IDE: variants seen among roughly 807,000 people sequenced by gnomAD.
IDE encodes insulin-degrading enzyme.
A neutral mutation model predicts 133.2 loss-of-function variants in IDE; 58 were observed. That is an observed-to-expected ratio of 0.44 (90% CI 0.35 to 0.54). IDE has a LOEUF of 0.54. Ranked by LOEUF, IDE falls within the 20% of genes least tolerant of loss-of-function variation. The pLI, the probability that IDE is intolerant of heterozygous loss-of-function variation, is 0.00. For missense variants in IDE, 981 were observed against 1,234.0 expected (o/e 0.79, Z 3.07); for synonymous variants, 396 against 421.3 (o/e 0.94, Z 0.73).
intron 1 of IDE, among the ~76,000 whole-genome samples, chr10:92,557,066 C>T (rs12415874): frequency 1.3e-5 from 2 of 152,068 alleles, no homozygotes; most frequent in African/African-American, 4.8e-5. Flanking sequence ...AAAATCCCAC[C>T]TAAGCCTCCT....
At chr10:92,510,857 T>G (rs890461875) in intron 5 of IDE, among the ~76,000 whole-genome samples, 16 of 150,204 alleles carry the variant, frequency 1.1e-4, no homozygotes, top group South Asian at 2.1e-4. Flanking sequence ...ATGATATATA[T>G]CACATATATA....
chr10:92,516,798 C>T (rs1368697260), intron 4 of IDE, among the ~76,000 whole-genome samples: 1 of 152,168 alleles, frequency 6.6e-6, no homozygotes, highest in Non-Finnish European at 1.5e-5. Context: ...ATTTTTATAA[C>T]TCTCCAGCGA....
intron 4 of IDE, among the ~76,000 whole-genome samples, chr10:92,515,550 C>T (rs1183826381): frequency 9.1e-5 from 13 of 142,902 alleles, no homozygotes; most frequent in East Asian, 4.5e-4. Flanking sequence ...TGAGCAACCG[C>T]GCACCCGGCC....
At chr10:92,486,461 A>C (rs1252466728) in intron 13 of IDE, among the ~76,000 whole-genome samples, 1 of 152,202 alleles carries the variant, frequency 6.6e-6, no homozygotes, top group Non-Finnish European at 1.5e-5. Flanking sequence ...AACTCATCTA[A>C]ATTCTTCCAA....
At chr10:92,546,432 G>A (rs1842536673) in intron 1 of IDE, among the ~76,000 whole-genome samples, 1 of 152,186 alleles carries the variant, frequency 6.6e-6, no homozygotes, top group African/African-American at 2.4e-5. Flanking sequence ...GGAAGGGGGA[G>A]ATACATGAAT....
At chr10:92,491,207 T>C (rs931595711) in intron 11 of IDE, among the ~76,000 whole-genome samples, 2 of 150,632 alleles carry the variant, frequency 1.3e-5, no homozygotes, top group Non-Finnish European at 3.0e-5. Context: ...CACTGCACTC[T>C]AGCATGGGTG....
chr10:92,489,577 C>T (rs949785050), intron 12 of IDE, among the ~76,000 whole-genome samples: 1 of 152,016 alleles, frequency 6.6e-6, no homozygotes, highest in Non-Finnish European at 1.5e-5. Flanking sequence ...TGGTCAGAGT[C>T]CAGTGAACAG....
chr10:92,557,586 C>A (rs930122159), intron 1 of IDE, among the ~76,000 whole-genome samples: 1 of 151,080 alleles, frequency 6.6e-6, no homozygotes, highest in African/African-American at 2.4e-5. Flanking sequence ...TAAACCCTCA[C>A]CTTTTGATCA....
At chr10:92,485,125 C>CTTTTTTT (rs34615998) in intron 13 of IDE, among the ~76,000 whole-genome samples, 62 of 100,802 alleles carry the variant, frequency 6.2e-4, no homozygotes, top group East Asian at 9.1e-4. Flanking sequence ...TTCTTTCTTT[C>CTTTTTTT]TTTTTTTTTT....
chr10:92,509,986 G>A, intron 6 of IDE, 64 bp downstream of exon 6: 1 of 715,556 alleles, frequency 1.4e-6, no homozygotes, highest in South Asian at 1.9e-5. Context: ...CTGTTCTATG[G>A]TAAACTAGGT....
chr10:92,526,832 TG>T (rs1257421012), intron 4 of IDE, among the ~76,000 whole-genome samples: 1 of 108,746 alleles, frequency 9.2e-6, no homozygotes, highest in Non-Finnish European at 1.8e-5. Context: ...GGCAACAGGG[TG>T]AGGCCCTGTC....
At position 92,573,983 on chromosome 10, in the gene IDE, G is replaced by A. The variant is rs1029074738; in HGVS notation, c.37C>T (p.Leu13=). The change falls in exon 1 of 25, where the codon CTG becomes TTG. Residue 13 remains leucine, a synonymous_variant. Coordinates refer to ENST00000265986, the MANE Select transcript of IDE (RefSeq NM_004969.4). ...YRLAWLLHPA[L]PSTFRSVLGA... is the part of the protein sequence containing the mutation. Reference sequence around the variant, plus strand: ...AGGACTGAGCGGAAGGTGCTGGGCAGTGCGGGGTGCAGAAGCCACGCTAGC... The same window carrying A: ...AGGACTGAGCGGAAGGTGCTGGGCAATGCGGGGTGCAGAAGCCACGCTAGC... 2 of 1,509,172 alleles carry A rather than the reference G, an allele frequency of 1.3e-6. No homozygotes were observed. Among genetic ancestry groups the A allele is most frequent in the African/African-American group, 1.4e-5 (1 of 69,186 alleles). The allele number at this position is 1,509,172 out of a possible 1,614,324, so 93.5% of individuals were successfully genotyped here.
At chr10:92,459,748 A>G (rs1373807802) in intron 22 of IDE, among the ~76,000 whole-genome samples, 1 of 151,836 alleles carries the variant, frequency 6.6e-6, no homozygotes, top group Non-Finnish European at 1.5e-5. Flanking sequence ...TTACACATTC[A>G]TATACCTACC....
At position 92,456,422 on chromosome 10, in the gene IDE, CCAA is replaced by C; in HGVS notation, c.2830_2832del (p.Leu944del). 6.2e-7 allele frequency: 1 copy of C among 1,612,786 alleles called. No homozygotes were observed. Among genetic ancestry groups the C allele is most frequent in the Non-Finnish European group, 8.5e-7 (1 of 1,178,804 alleles). ...TTATGTCTCCTTGGAGCATCTACTG[CCAA>C]CATTTCCTAGGCACAAAGAAGAGCA... is the stretch of plus-strand genomic sequence containing the variant. On this transcript the variant is annotated inframe_deletion, in exon 23 of 25. Transcript: ENST00000265986.
chr10:92,555,731 G>A (rs547323913), intron 1 of IDE, among the ~76,000 whole-genome samples: 8 of 152,194 alleles, frequency 5.3e-5, no homozygotes, highest in East Asian at 1.9e-4. Context: ...TGCTAGCATC[G>A]TACTTAATGG....
chr10:92,550,036 C>A lies in IDE; in HGVS notation c.99-12486G>T, dbSNP rs78425284. ...ATACAAAATTAGCTGGGCATGGTGG[C>A]GCATACCTGCAATCCCAGCTACTCG... On this transcript the variant is annotated intron_variant, in intron 1 of 24. Coordinates refer to ENST00000265986, the MANE Select transcript of IDE (RefSeq NM_004969.4). Among the ~76,000 whole-genome samples, 119 of 152,174 alleles carry A rather than the reference C, an allele frequency of 7.8e-4. 1 individual carries two copies. Among genetic ancestry groups the A allele is most frequent in the Middle Eastern group, 3.4e-3 (1 of 294 alleles).
intron 22 of IDE, 89 bp from the exon 23 acceptor site, chr10:92,456,520 T>C (rs1413930498): frequency 4.5e-6 from 4 of 897,178 alleles, no homozygotes; most frequent in Non-Finnish European, 7.5e-6. Context: ...GAATCAGCTA[T>C]CACACAGTCA....
intron 11 of IDE, among the ~76,000 whole-genome samples, chr10:92,502,072 G>A (rs1224541848): frequency 6.6e-6 from 1 of 151,966 alleles, no homozygotes; most frequent in Non-Finnish European, 1.5e-5. Flanking sequence ...AGCCCAAGAG[G>A]TCAAGGCTGC....
chr10:92,508,184 CCAA>C lies in IDE; in HGVS notation c.1079_1081del (p.Val360del). ...ACCTCGGGCTCCTTCCTTCTGCCCA[CCAA>C]CAAGAGTATTAACCCAGCCTGCAAC... On this transcript the variant is annotated inframe_deletion, in exon 8 of 25. Coordinates refer to ENST00000265986, the MANE Select transcript of IDE (RefSeq NM_004969.4). 1 of 1,613,814 alleles carries C rather than the reference CCAA, an allele frequency of 6.2e-7. No individual in the cohort carries two copies. The highest frequency in any genetic ancestry group is 8.5e-7 in the Non-Finnish European group (1 of 1,179,782).
Sources: allele counts gnomAD v4.1 joint callset (sites outside exome capture counted in the v4.1 genomes callset), GRCh38; gene constraint gnomAD v4.1.1; transcripts MANE v1.5; gene names NCBI Gene and HGNC (gene_info 2026-07-23, HGNC 2026-07-21).